Variants in CALCR observed in about 807,000 individuals in gnomAD.
CALCR encodes the protein calcitonin receptor.
CALCR carries 47 observed loss-of-function variants against 59.5 expected under a neutral mutation model. That is an observed-to-expected ratio of 0.79 (90% CI 0.63 to 1.01). The LOEUF (loss-of-function observed/expected upper bound fraction) is 1.01. CALCR is among the 50% of genes least tolerant of loss of function. The pLI is 0.00. For missense variants in CALCR, 566 were observed against 597.1 expected, an observed-to-expected ratio of 0.95 and a Z score of 0.54; for synonymous variants, 213 against 211.3, an observed-to-expected ratio of 1.01 and a Z score of -0.07.
At chr7:93,517,270 A>T (rs1801668801) in intron 2 of CALCR, among the ~76,000 whole-genome samples, 1 of 128,036 alleles carries the variant, frequency 7.8e-6, no homozygotes, top group African/African-American at 4.0e-5. Context: ...AGATCTTTGG[A>T]TTACTATAAA....
chr7:93,509,163 G>A (rs1801492821), intron 2 of CALCR, among the ~76,000 whole-genome samples: 2 of 152,238 alleles, frequency 1.3e-5, no homozygotes, highest in Non-Finnish European at 1.5e-5. Flanking sequence ...AAGCATGGCA[G>A]AGAGGGATCC....
chr7:93,497,317 T>C (rs1199619242), intron 2 of CALCR, among the ~76,000 whole-genome samples: 1 of 151,694 alleles, frequency 6.6e-6, no homozygotes, highest in Non-Finnish European at 1.5e-5. Flanking sequence ...TGAGCTCTTA[T>C]AAACTTAACC....
intron 8 of CALCR, among the ~76,000 whole-genome samples, chr7:93,454,986 A>T (rs1357007314): frequency 1.3e-5 from 2 of 151,630 alleles, no homozygotes; most frequent in African/African-American, 4.8e-5. Context: ...AATAATAACC[A>T]AAGAAAAACC....
intron 4 of CALCR, among the ~76,000 whole-genome samples, chr7:93,478,591 A>G (rs913525698): frequency 3.3e-5 from 5 of 151,384 alleles, no homozygotes; most frequent in Non-Finnish European, 5.9e-5. Flanking sequence ...TCAGGAGGCT[A>G]AAGTGGGAGG....
rs989500185 is a variant in CALCR, at chr7:93,424,661, T to C, written c.*1695A>G. ...CTATTTTGTTTTCTTCAACCCCTAC[T>C]ATATTAGCATAATAACATCTAAAAT... On this transcript the variant is annotated 3_prime_UTR_variant, in exon 14 of 14. Transcript: ENST00000426151. 3 of 152,610 alleles carry C rather than the reference T, an allele frequency of 2.0e-5. No individual in the cohort carries two copies. The highest frequency in any genetic ancestry group is 4.4e-5 in the Non-Finnish European group (3 of 68,000). 9.5% of individuals were successfully genotyped at this position (152,610 alleles called of 1,614,324 possible).
intron 8 of CALCR, among the ~76,000 whole-genome samples, chr7:93,455,116 T>C (rs1800184141): frequency 6.6e-6 from 1 of 152,006 alleles, no homozygotes; most frequent in South Asian, 2.1e-4. Context: ...TGACCCTGAA[T>C]TGGTCCAAAA....
chr7:93,519,792 T>G (rs1288346043), intron 2 of CALCR, among the ~76,000 whole-genome samples: 1 of 151,918 alleles, frequency 6.6e-6, no homozygotes, highest in Admixed American at 6.6e-5. Context: ...TAAGAGCTGA[T>G]GGTTAAATAG....
intron 2 of CALCR, among the ~76,000 whole-genome samples, chr7:93,528,951 T>C (rs951968886): frequency 6.6e-6 from 1 of 152,226 alleles, no homozygotes; most frequent in Non-Finnish European, 1.5e-5. Flanking sequence ...CTTCAATTTA[T>C]TTTGTAGTAA....
chr7:93,497,521 G>A (rs542485927), intron 2 of CALCR, among the ~76,000 whole-genome samples: 2 of 151,550 alleles, frequency 1.3e-5, no homozygotes, highest in Non-Finnish European at 3.0e-5. Context: ...GATTAGGTTA[G>A]TTTCCAGTCA....
chr7:93,443,812 G>A, intron 8 of CALCR, 55 bp from the exon 9 acceptor site: 1 of 1,497,426 alleles, frequency 6.7e-7, no homozygotes, highest in South Asian at 1.2e-5. Flanking sequence ...GATCTGCCAG[G>A]GAGCACAGAG....
At chr7:93,564,642 C>T (rs187793917) in intron 2 of CALCR, among the ~76,000 whole-genome samples, 42 of 151,910 alleles carry the variant, frequency 2.8e-4, no homozygotes, top group African/African-American at 6.5e-4. Flanking sequence ...TTAGTAGAGA[C>T]GGGGTTTCGC....
intron 5 of CALCR, among the ~76,000 whole-genome samples, chr7:93,476,378 G>T (rs752480668): frequency 1.3e-5 from 2 of 151,806 alleles, no homozygotes; most frequent in Non-Finnish European, 2.9e-5. Context: ...ACATCATTAA[G>T]ATGTAAGCTT....
intron 3 of CALCR, among the ~76,000 whole-genome samples, chr7:93,482,310 T>C (rs778129878): frequency 1.3e-5 from 2 of 151,882 alleles, no homozygotes; most frequent in Non-Finnish European, 2.9e-5. Context: ...AACTTATACA[T>C]TTATTTTAGA....
chr7:93,431,325 C>T (rs747847336), intron 13 of CALCR, among the ~76,000 whole-genome samples: 1 of 152,230 alleles, frequency 6.6e-6, no homozygotes, highest in Non-Finnish European at 1.5e-5. Flanking sequence ...AGAAACTCCA[C>T]ATTTGCCCCT....
chr7:93,478,196 T>A (rs1186204409), intron 4 of CALCR, among the ~76,000 whole-genome samples: 1 of 146,614 alleles, frequency 6.8e-6, no homozygotes, highest in Non-Finnish European at 1.5e-5. Flanking sequence ...TTATGTCTAA[T>A]GCCTGTTCAG....
intron 2 of CALCR, among the ~76,000 whole-genome samples, chr7:93,523,040 T>C (rs1439752878): frequency 6.6e-6 from 1 of 152,220 alleles, no homozygotes; most frequent in East Asian, 1.9e-4. Flanking sequence ...GAAGCAATAC[T>C]GATCACTTTG....
At chr7:93,573,793 A>T (rs1297812310) in intron 2 of CALCR, among the ~76,000 whole-genome samples, 2 of 152,200 alleles carry the variant, frequency 1.3e-5, no homozygotes, top group Non-Finnish European at 2.9e-5. Flanking sequence ...TGCATAAATG[A>T]TTGTTGGAAA....
At chr7:93,571,241 G>T (rs1436779048) in intron 2 of CALCR, among the ~76,000 whole-genome samples, 3 of 152,042 alleles carry the variant, frequency 2.0e-5, no homozygotes, top group South Asian at 2.1e-4. Flanking sequence ...TTAAGTAAAA[G>T]ATCTATACCT....
chr7:93,498,196 C>T (rs572733167), intron 2 of CALCR, among the ~76,000 whole-genome samples: 9 of 151,736 alleles, frequency 5.9e-5, no homozygotes, highest in East Asian at 3.9e-4. Context: ...GACTTTACTT[C>T]GAATTTGAGT....
Sources: allele counts gnomAD v4.1 joint callset (sites outside exome capture counted in the v4.1 genomes callset), GRCh38; gene constraint gnomAD v4.1.1; transcripts MANE v1.5; gene names NCBI Gene and HGNC (gene_info 2026-07-23, HGNC 2026-07-21).